The following ADGRB3 variants were observed in gnomAD, a reference collection of about 807,000 sequenced individuals.
ADGRB3 encodes brain-specific angiogenesis inhibitor 3.
Under a neutral mutation model 193.4 loss-of-function variants are expected in ADGRB3, and 37 were observed. The ratio of observed to expected loss-of-function variants is 0.19; its 90% CI spans 0.15 to 0.25. The LOEUF (loss-of-function observed/expected upper bound fraction) is 0.25, where lower values mean the gene tolerates loss of function less well. ADGRB3 is among the 10% of genes least tolerant of loss of function. The pLI is 1.00. For missense variants in ADGRB3, 1,637 were observed against 1,852.9 expected (o/e 0.88, Z 2.14); for synonymous variants, 690 against 644.2 (o/e 1.07, Z -1.08).
intron 3 of ADGRB3, among the ~76,000 whole-genome samples, chr6:68,904,623 T>C (rs961086572): frequency 2.0e-5 from 3 of 152,208 alleles, no homozygotes; most frequent in Non-Finnish European, 4.4e-5. Context: ...TGGTGATTCT[T>C]CCAGGCCAAT....
At chr6:69,186,917 C>G (rs1459064176) in intron 17 of ADGRB3, among the ~76,000 whole-genome samples, 2 of 149,430 alleles carry the variant, frequency 1.3e-5, no homozygotes, top group Non-Finnish European at 3.0e-5. Flanking sequence ...TCTGTATAGT[C>G]ATAGCAAGGT....
intron 3 of ADGRB3, among the ~76,000 whole-genome samples, chr6:68,821,844 G>T (rs1445674395): frequency 6.6e-6 from 1 of 151,726 alleles, no homozygotes; most frequent in Non-Finnish European, 1.5e-5. Flanking sequence ...CTGGAAATTT[G>T]CAAAACCAAA....
chr6:68,701,706 A>G (rs527929003), intron 3 of ADGRB3, among the ~76,000 whole-genome samples: 2 of 152,292 alleles, frequency 1.3e-5, no homozygotes, highest in East Asian at 3.9e-4. Context: ...TTGCAAAACA[A>G]CAGGACCAAA....
chr6:68,985,775 AT>A (rs1279521871), intron 10 of ADGRB3, among the ~76,000 whole-genome samples: 1 of 152,156 alleles, frequency 6.6e-6, no homozygotes. Context: ...AATCTATCCT[AT>A]TCTGACTGGT....
At chr6:68,803,305 T>C (rs542081985) in intron 3 of ADGRB3, among the ~76,000 whole-genome samples, 71 of 152,254 alleles carry the variant, frequency 4.7e-4, no homozygotes, top group Non-Finnish European at 9.0e-4. Flanking sequence ...TTCCTTTTCC[T>C]CTCCAGAGTT....
chr6:68,744,978 C>T (rs1766055324), intron 3 of ADGRB3, among the ~76,000 whole-genome samples: 1 of 151,892 alleles, frequency 6.6e-6, no homozygotes, highest in Non-Finnish European at 1.5e-5. Flanking sequence ...AGGAATAGGC[C>T]TCAAATACAA....
At chr6:69,083,723 G>C (rs1318363000) in intron 17 of ADGRB3, among the ~76,000 whole-genome samples, 2 of 151,174 alleles carry the variant, frequency 1.3e-5, no homozygotes, top group Non-Finnish European at 2.9e-5. Context: ...ATGTGTAAAG[G>C]ATCCAGGATC....
intron 17 of ADGRB3, among the ~76,000 whole-genome samples, chr6:69,138,735 A>G (rs1013624546): frequency 6.6e-6 from 1 of 152,232 alleles, no homozygotes; most frequent in African/African-American, 2.4e-5. Context: ...TTAATGAATT[A>G]TAATGAGAAA....
rs566801493 is a variant in ADGRB3 at position 69,110,753 on chromosome 6, A to G, written c.2480+34715A>G. Among the ~76,000 whole-genome samples the G allele has an allele frequency of 2.0e-5, 3 of 152,324 alleles. No homozygotes were observed. The South Asian group carries it at 6.2e-4, about 32-fold the overall frequency. ...GTAGCACATAATATTTTGGCTGTTG[A>G]TGGAAACAGGGGTTTGTGAAGAAAG... On this transcript the variant is annotated intron_variant, in intron 17 of 31. Transcript: ENST00000370598.
At position 68,934,707 on chromosome 6, in the gene ADGRB3, C is replaced by G. The variant is rs1318689858; in HGVS notation, c.869-1812C>G. 2.6e-5 allele frequency among the ~76,000 whole-genome samples: 4 copies of G among 152,198 alleles called. No homozygotes were observed. The East Asian group carries it at 7.7e-4, about 29-fold the overall frequency. ...AATTTTCTATTGCTAAATTTACATGCACATATACACATATATGTGGATTTT... is the reference window on the plus strand; with the variant it reads ...AATTTTCTATTGCTAAATTTACATGGACATATACACATATATGTGGATTTT... On this transcript the variant is annotated intron_variant, in intron 4 of 31. Transcript: ENST00000370598.
intron 1 of ADGRB3, among the ~76,000 whole-genome samples, chr6:68,637,153 A>G (rs1767978436): frequency 6.6e-6 from 1 of 152,150 alleles, no homozygotes; most frequent in Non-Finnish European, 1.5e-5. Context: ...CTGCTGCTAT[A>G]TAGAGATTTA....
intron 17 of ADGRB3, among the ~76,000 whole-genome samples, chr6:69,093,607 C>A (rs1020758782): frequency 6.8e-5 from 10 of 147,890 alleles, no homozygotes; most frequent in Non-Finnish European, 1.5e-4. Flanking sequence ...GGATAGATAG[C>A]ATAGGTTCAG....
chr6:68,829,606 A>G (rs567004683), intron 3 of ADGRB3, among the ~76,000 whole-genome samples: 3 of 152,278 alleles, frequency 2.0e-5, no homozygotes, highest in South Asian at 4.1e-4. Context: ...GAATTATTAA[A>G]TATATTTTTA....
intron 3 of ADGRB3, among the ~76,000 whole-genome samples, chr6:68,739,868 T>G (rs796674303): frequency 2.6e-5 from 4 of 152,260 alleles, no homozygotes; most frequent in African/African-American, 9.6e-5. Flanking sequence ...TTATCTCACT[T>G]GTTTGGTTTT....
At chr6:69,135,714 T>G (rs1002939426) in intron 17 of ADGRB3, among the ~76,000 whole-genome samples, 2 of 152,094 alleles carry the variant, frequency 1.3e-5, no homozygotes, top group East Asian at 1.9e-4. Flanking sequence ...TTCAGCAACT[T>G]ATGTTTTTTG....
At chr6:68,826,927 G>C (rs1562046198) in intron 3 of ADGRB3, among the ~76,000 whole-genome samples, 1 of 152,182 alleles carries the variant, frequency 6.6e-6, no homozygotes, top group Admixed American at 6.5e-5. Flanking sequence ...TGAGATGTCA[G>C]TTTGGAGATG....
chr6:68,894,272 G>A (rs1297280648), intron 3 of ADGRB3, among the ~76,000 whole-genome samples: 1 of 151,796 alleles, frequency 6.6e-6, no homozygotes, highest in African/African-American at 2.4e-5. Context: ...TTTAGAAAAA[G>A]CAAAATGGTG....
chr6:69,300,285 C>G (rs1470120966), intron 20 of ADGRB3, among the ~76,000 whole-genome samples: 3 of 151,668 alleles, frequency 2.0e-5, no homozygotes, highest in Non-Finnish European at 4.4e-5. Context: ...ATGATAAACT[C>G]TCAATAAGCT....
At chr6:69,263,526 A>G (rs1360259646) in intron 20 of ADGRB3, among the ~76,000 whole-genome samples, 11 of 152,002 alleles carry the variant, frequency 7.2e-5, no homozygotes, top group Admixed American at 7.2e-4. Context: ...TGGAAGCCAC[A>G]ATAATCTAAC....
Sources: gnomAD v4.1 joint callset for allele counts (sites outside exome capture counted in the v4.1 genomes callset) on GRCh38, gnomAD v4.1.1 for gene constraint, MANE v1.5 for transcripts, NCBI Gene and HGNC (gene_info 2026-07-23, HGNC 2026-07-21) for gene names.